Variants in CASK observed in about 807,000 individuals in gnomAD.
CASK encodes the protein calcium/calmodulin dependent serine protein kinase.
A neutral mutation model predicts 82.9 loss-of-function variants in CASK; 4 were observed. The observed-to-expected ratio is 0.05, with a 90% CI of 0.02 to 0.11. The LOEUF is 0.11. CASK is among the 10% of genes least tolerant of loss of function. The probability of loss-of-function intolerance (pLI) is 1.00; values close to 1 mark genes in which losing one functional copy is unlikely to be tolerated. For synonymous variants in CASK, 259 were observed against 253.5 expected, an observed-to-expected ratio of 1.02 and a Z score of -0.20; for missense variants, 358 against 720.9, an observed-to-expected ratio of 0.50 and a Z score of 5.76.
intron 1 of CASK, among the ~76,000 whole-genome samples, chrX:41,869,536 G>C (rs2071655816): frequency 9.1e-6 from 1 of 110,429 alleles, no homozygotes; most frequent in African/African-American, 3.3e-5. Flanking sequence ...ATACAGGCTG[G>C]GAGCAGTGAC....
intron 5 of CASK, among the ~76,000 whole-genome samples, chrX:41,680,638 G>A (rs1453960971): frequency 9.0e-6 from 1 of 111,345 alleles, no homozygotes; most frequent in Non-Finnish European, 1.9e-5. Flanking sequence ...AATAAACCAT[G>A]CTGGGCGTGG....
chrX:41,578,299 G>T, intron 15 of CASK, 41 bp downstream of exon 15: 1 of 1,000,582 alleles, frequency 1.0e-6, no homozygotes, highest in Non-Finnish European at 1.4e-6. Context: ...ACTCATGCTG[G>T]GATCTTATGA....
chrX:41,806,741 T>C (rs1304478395), intron 2 of CASK, among the ~76,000 whole-genome samples: 1 of 112,219 alleles, frequency 8.9e-6, no homozygotes, highest in Admixed American at 9.4e-5. Context: ...TAGAATAGTG[T>C]GTAGAATATG....
At chrX:41,657,412 T>C (rs1419687969) in intron 8 of CASK, among the ~76,000 whole-genome samples, 1 of 113,005 alleles carries the variant, frequency 8.8e-6, no homozygotes, top group Non-Finnish European at 1.9e-5. Context: ...GGCCTCATGC[T>C]GGGAGACCTA....
intron 2 of CASK, among the ~76,000 whole-genome samples, chrX:41,788,086 G>C (rs923575842): frequency 3.8e-5 from 4 of 106,183 alleles, no homozygotes; most frequent in Non-Finnish European, 7.7e-5. Flanking sequence ...GAACTCGGGA[G>C]GCAGAAGTTG....
intron 3 of CASK, among the ~76,000 whole-genome samples, chrX:41,756,651 G>A (rs1308203346): frequency 1.8e-5 from 2 of 112,269 alleles, no homozygotes; most frequent in Non-Finnish European, 3.8e-5. Flanking sequence ...TGCTTACTAC[G>A]TGAAAGGTAT....
Position 41,626,597 on chromosome X carries a change from C to G in CASK, c.1015+7G>C. On this transcript the variant is annotated splice_region_variant and intron_variant, in intron 10 of 26. Coordinates refer to ENST00000378163, the MANE Select transcript of CASK (RefSeq NM_001367721.1). ...CACACAGGTGAATAAGTGAATTATC[C>G]AATTACCTGAGGAGGTAGGGTCTTC... 9.2e-7 allele frequency: 1 copy of G among 1,091,293 alleles called. No individual in the cohort carries two copies. Among genetic ancestry groups the G allele is most frequent in the Non-Finnish European group, 1.3e-6 (1 of 785,919 alleles). 89.9% of individuals were successfully genotyped at this position (1,091,293 alleles called of 1,213,427 possible). A position where few individuals can be genotyped will look rare whatever the true frequency, so the allele number is the denominator to read the frequency against.
intron 2 of CASK, among the ~76,000 whole-genome samples, chrX:41,815,032 G>A (rs1382903272): frequency 9.0e-6 from 1 of 111,529 alleles, no homozygotes; most frequent in Non-Finnish European, 1.9e-5. Flanking sequence ...GTGTCACTGA[G>A]TAGAGAAAAC....
intron 10 of CASK, among the ~76,000 whole-genome samples, chrX:41,624,956 T>C (rs1256898261): frequency 9.1e-6 from 1 of 109,714 alleles, no homozygotes; most frequent in Non-Finnish European, 1.9e-5. Context: ...GTGGCTCTAA[T>C]GAAAGAAAGA....
At chrX:41,617,805 A>G (rs906781052) in intron 11 of CASK, among the ~76,000 whole-genome samples, 5 of 112,647 alleles carry the variant, frequency 4.4e-5, no homozygotes, top group African/African-American at 1.6e-4. Flanking sequence ...CATGCAGCAC[A>G]TGCTAATTAA....
At chrX:41,830,967 C>T in intron 2 of CASK, among the ~76,000 whole-genome samples, 1 of 111,030 alleles carries the variant, frequency 9.0e-6, no homozygotes. Flanking sequence ...AAAGCAGAAA[C>T]CTTCCTTTGT....
intron 3 of CASK, among the ~76,000 whole-genome samples, chrX:41,751,280 G>A (rs932551551): frequency 4.5e-5 from 5 of 110,666 alleles, no homozygotes; most frequent in African/African-American, 1.6e-4. Context: ...GTAGGGACAG[G>A]ATCTGGCTAT....
intron 5 of CASK, among the ~76,000 whole-genome samples, chrX:41,738,446 T>C (rs1002668892): frequency 6.2e-5 from 7 of 112,767 alleles, no homozygotes; most frequent in African/African-American, 2.3e-4. Flanking sequence ...GCTATTAAAA[T>C]ATTTTACTAG....
intron 12 of CASK, among the ~76,000 whole-genome samples, chrX:41,603,786 G>C (rs189929312): frequency 4.9e-4 from 55 of 111,824 alleles, no homozygotes; most frequent in African/African-American, 1.5e-3. Context: ...ATGACAGATG[G>C]CCAGTTAATG....
At chrX:41,671,671 A>G (rs2067199345) in intron 5 of CASK, 141 bp from the exon 6 acceptor site, 2 of 492,979 alleles carry the variant, frequency 4.1e-6, no homozygotes, top group Admixed American at 6.1e-5. Flanking sequence ...ATTATTCTGG[A>G]TGCTTGAATT....
At chrX:41,850,211 A>T (rs754355866) in intron 2 of CASK, among the ~76,000 whole-genome samples, 1 of 112,084 alleles carries the variant, frequency 8.9e-6, no homozygotes, top group Admixed American at 9.4e-5. Flanking sequence ...ATTTACTTCG[A>T]ATTTATTACA....
intron 2 of CASK, among the ~76,000 whole-genome samples, chrX:41,805,681 A>G (rs2147870069): frequency 9.0e-6 from 1 of 111,637 alleles, no homozygotes; most frequent in South Asian, 3.8e-4. Context: ...AGAGTTCAAG[A>G]GCAACTAGGT....
At chrX:41,750,445 A>T (rs747806709) in intron 3 of CASK, among the ~76,000 whole-genome samples, 1 of 111,306 alleles carries the variant, frequency 9.0e-6, no homozygotes, top group Admixed American at 9.6e-5. Flanking sequence ...GCTGTCAAGA[A>T]CCCCCAAAGA....
chrX:41,894,812 A>T (rs769942891), intron 1 of CASK, among the ~76,000 whole-genome samples: 1 of 111,822 alleles, frequency 8.9e-6, no homozygotes, highest in South Asian at 3.7e-4. Flanking sequence ...AAATAAACTG[A>T]AAAAGAATTA....
Sources: allele counts gnomAD v4.1 joint callset (sites outside exome capture counted in the v4.1 genomes callset), GRCh38; gene constraint gnomAD v4.1.1; transcripts MANE v1.5; gene names NCBI Gene and HGNC (gene_info 2026-07-23, HGNC 2026-07-21).